Variants in SNTG1 observed in about 807,000 individuals in gnomAD.
The protein encoded by SNTG1 is gamma-1-syntrophin.
SNTG1 carries 39 observed loss-of-function variants against 74.7 expected under a neutral mutation model. The ratio of observed to expected loss-of-function variants is 0.52; its 90% CI spans 0.40 to 0.68. SNTG1 has a LOEUF of 0.68. Among genes scored for constraint, SNTG1 ranks in the 30% least tolerant of loss-of-function variants. The pLI is 0.00. For synonymous variants in SNTG1, 254 were observed against 217.1 expected, an observed-to-expected ratio of 1.17 and a Z score of -1.49; for missense variants, 685 against 609.5, an observed-to-expected ratio of 1.12 and a Z score of -1.30.
chr8:50,329,411 A>G (rs1403382107), intron 2 of SNTG1, among the ~76,000 whole-genome samples: 1 of 152,120 alleles, frequency 6.6e-6, no homozygotes, highest in Non-Finnish European at 1.5e-5. Context: ...ACATCCGCGC[A>G]TTCCCAAACA....
At chr8:50,750,726 T>C (rs1488242029) in intron 17 of SNTG1, among the ~76,000 whole-genome samples, 1 of 152,004 alleles carries the variant, frequency 6.6e-6, no homozygotes, top group Non-Finnish European at 1.5e-5. Context: ...TTAATTAAGG[T>C]ATATACATTT....
chr8:50,749,343 G>T (rs1309817216), intron 17 of SNTG1, among the ~76,000 whole-genome samples: 1 of 151,980 alleles, frequency 6.6e-6, no homozygotes, highest in Non-Finnish European at 1.5e-5. Context: ...TGTTCATGAG[G>T]TTTAAGGAGA....
At chr8:50,569,713 G>A (rs1463950151) in intron 12 of SNTG1, among the ~76,000 whole-genome samples, 1 of 152,162 alleles carries the variant, frequency 6.6e-6, no homozygotes, top group Non-Finnish European at 1.5e-5. Context: ...ACAGGCATGG[G>A]TGTCACTGAA....
At chr8:50,423,178 C>T (rs1295591388) in intron 4 of SNTG1, among the ~76,000 whole-genome samples, 2 of 152,098 alleles carry the variant, frequency 1.3e-5, no homozygotes, top group African/African-American at 4.8e-5. Context: ...ATAGTGGAAT[C>T]AAAGTAGAAA....
At chr8:50,620,541 C>G (rs942184366) in intron 13 of SNTG1, among the ~76,000 whole-genome samples, 1 of 152,156 alleles carries the variant, frequency 6.6e-6, no homozygotes, top group Non-Finnish European at 1.5e-5. Flanking sequence ...AGAGCACATA[C>G]AGAATTCAGA....
intron 1 of SNTG1, among the ~76,000 whole-genome samples, chr8:49,989,881 G>A (rs757591733): frequency 2.0e-5 from 3 of 151,814 alleles, no homozygotes; most frequent in Non-Finnish European, 2.9e-5. Context: ...TAAAAGAAAA[G>A]CATATCACAA....
chr8:49,987,426 A>G (rs1010200294), intron 1 of SNTG1, among the ~76,000 whole-genome samples: 8 of 152,164 alleles, frequency 5.3e-5, no homozygotes, highest in African/African-American at 1.9e-4. Context: ...ATACACCTAA[A>G]AAGAGTCTTC....
At chr8:50,213,398 C>A (rs1003076806) in intron 2 of SNTG1, among the ~76,000 whole-genome samples, 16 of 152,120 alleles carry the variant, frequency 1.1e-4, no homozygotes, top group South Asian at 2.1e-4. Context: ...TAGGCTATGT[C>A]ATACCACATA....
At position 50,176,858 on chromosome 8, in the gene SNTG1, G is replaced by T. The variant is rs546919542; in HGVS notation, c.-28+4223G>T. Among the ~76,000 whole-genome samples, 5 of 152,254 alleles carry T rather than the reference G, an allele frequency of 3.3e-5. No homozygotes were observed. The South Asian group carries it at 1.0e-3, about 32-fold the overall frequency. On this transcript the variant is annotated intron_variant, in intron 2 of 18. Transcript: ENST00000642720. ...ATTGTTCGTATTGTCTACCCTAGTA[G>T]GTATGAAGGGACTTCTGGAAGTTCT...
chr8:50,146,458 C>T (rs2081870010), intron 1 of SNTG1, among the ~76,000 whole-genome samples: 1 of 152,124 alleles, frequency 6.6e-6, no homozygotes. Flanking sequence ...GGGGAGGTTG[C>T]AGTGAGCCAA....
Position 50,667,161 on chromosome 8 carries a change from G to A in SNTG1, c.1038+8498G>A, listed in dbSNP as rs546572977. 2.6e-5 allele frequency among the ~76,000 whole-genome samples: 4 copies of A among 152,062 alleles called. No individual in the cohort carries two copies. In the East Asian group the frequency reaches 7.7e-4, roughly 29 times the overall value. The stretch of plus-strand genomic sequence containing the variant: ...AAGAGTATATCGATATCATTATTAG[G>A]CAAATGCTAAAGGTTTGGGAGAGAC... On this transcript the variant is annotated intron_variant, in intron 15 of 18. Coordinates refer to ENST00000642720, the MANE Select transcript of SNTG1 (RefSeq NM_018967.5).
intron 13 of SNTG1, among the ~76,000 whole-genome samples, chr8:50,616,115 T>G (rs970630481): frequency 2.0e-5 from 3 of 152,206 alleles, no homozygotes; most frequent in Admixed American, 2.0e-4. Context: ...CTTGCTTTAC[T>G]TAGTCAACTG....
At position 50,641,955 on chromosome 8, in the gene SNTG1, C is replaced by T. The variant is rs1288670306; in HGVS notation, c.850-14954C>T. On this transcript the variant is annotated intron_variant, in intron 13 of 18. Transcript: ENST00000642720. ...GACAGTCTTAAACTGAATAGTCTAT[C>T]TGACAAGACTAGACCATGCCTTAGA... Among the ~76,000 whole-genome samples, 2 of 152,206 alleles carry T rather than the reference C, an allele frequency of 1.3e-5. 1 individual carries two copies.
At chr8:50,779,890 T>TA in intron 18 of SNTG1, among the ~76,000 whole-genome samples, 1 of 146,692 alleles carries the variant, frequency 6.8e-6, no homozygotes, top group Non-Finnish European at 1.5e-5. Context: ...AATACCTAAT[T>TA]TATTGAGAGT....
At chr8:50,535,544 C>T (rs2094301462) in intron 10 of SNTG1, among the ~76,000 whole-genome samples, 1 of 152,156 alleles carries the variant, frequency 6.6e-6, no homozygotes, top group Admixed American at 6.5e-5. Flanking sequence ...AGCTGAGGTG[C>T]TCATTGAGTC....
chr8:50,639,939 A>T (rs2095062099), intron 13 of SNTG1, among the ~76,000 whole-genome samples: 1 of 152,154 alleles, frequency 6.6e-6, no homozygotes, highest in South Asian at 2.1e-4. Flanking sequence ...TATCATATAT[A>T]TCCTCATCCT....
At chr8:50,495,595 A>G (rs1244640091) in intron 8 of SNTG1, among the ~76,000 whole-genome samples, 1 of 151,786 alleles carries the variant, frequency 6.6e-6, no homozygotes. Context: ...CCTACTTTCC[A>G]GCTGGGTAAT....
chr8:50,370,372 T>C (rs944857989), intron 2 of SNTG1, among the ~76,000 whole-genome samples: 2 of 152,094 alleles, frequency 1.3e-5, no homozygotes, highest in African/African-American at 4.8e-5. Context: ...CATTGATTGG[T>C]AAGGAATGGG....
chr8:50,067,941 T>G (rs1586130012), intron 1 of SNTG1, among the ~76,000 whole-genome samples: 2 of 152,274 alleles, frequency 1.3e-5, no homozygotes, highest in East Asian at 3.9e-4. Context: ...GATTTTTTTC[T>G]TCCCTAAAGA....
Sources: allele counts gnomAD v4.1 joint callset (sites outside exome capture counted in the v4.1 genomes callset), GRCh38; gene constraint gnomAD v4.1.1; transcripts MANE v1.5; gene names NCBI Gene and HGNC (gene_info 2026-07-23, HGNC 2026-07-21).